CCN4: variants seen among roughly 807,000 people sequenced by gnomAD.
CCN4 encodes cellular communication network factor 4, also known as CCN family member 4.
Under a neutral mutation model 36.7 loss-of-function variants are expected in CCN4, and 30 were observed. The ratio of observed to expected loss-of-function variants is 0.82; its 90% CI spans 0.61 to 1.11. The LOEUF is 1.11. Ranked by LOEUF, CCN4 falls within the 50% of genes least tolerant of loss-of-function variation. CCN4 has a pLI of 0.00. For synonymous variants in CCN4, 191 were observed against 195.4 expected, an observed-to-expected ratio of 0.98 and a Z score of 0.19; for missense variants, 505 against 504.9, an observed-to-expected ratio of 1.00 and a Z score of 0.00.
At chr8:133,213,949 GTAGTTATATATAC>G (rs1478488360) in intron 2 of CCN4, among the ~76,000 whole-genome samples, 1 of 3,380 alleles carries the variant, frequency 3.0e-4, no homozygotes, top group Non-Finnish European at 1.1e-3. Flanking sequence ...ACTATATATA[GTAGTTATATATAC>G]TATATATACA....
chr8:133,194,710 T>G (rs1588177597), intron 1 of CCN4, among the ~76,000 whole-genome samples: 7 of 89,702 alleles, frequency 7.8e-5, no homozygotes, highest in Admixed American at 1.2e-4. Flanking sequence ...GTGTGTGTGG[T>G]GTGTGTGGGG....
intron 4 of CCN4, among the ~76,000 whole-genome samples, chr8:133,225,880 A>G (rs1178706070): frequency 1.3e-5 from 2 of 151,948 alleles, no homozygotes; most frequent in Non-Finnish European, 2.9e-5. Flanking sequence ...ATCCTTACCA[A>G]TTTCCATCCT....
In CCN4 at chr8:133,207,669, G is replaced by A. The variant is rs76059299; in HGVS notation, c.70-5195G>A. ...CAGACCTGCCTTGTGATTTGTTAGGGGATTATATGAGATAGTGCAAACAGA... is the reference window on the plus strand; with the variant it reads ...CAGACCTGCCTTGTGATTTGTTAGGAGATTATATGAGATAGTGCAAACAGA... On this transcript the variant is annotated intron_variant, in intron 1 of 4. Coordinates refer to ENST00000250160, the MANE Select transcript of CCN4 (RefSeq NM_003882.4). Among the ~76,000 whole-genome samples, 25 of 152,176 alleles carry A rather than the reference G, an allele frequency of 1.6e-4. No individual in the cohort carries two copies. The East Asian group carries it at 4.3e-3, about 26-fold the overall frequency.
chr8:133,219,526 CCAAAATAATTTTGCCA>C (rs1294659793), intron 2 of CCN4, among the ~76,000 whole-genome samples: 3 of 152,194 alleles, frequency 2.0e-5, no homozygotes, highest in Admixed American at 2.0e-4. Flanking sequence ...AGCATTTACC[CCAAAATAATTTTGCCA>C]CAAAATATCT....
chr8:133,211,826 GTCC>G (rs1204569303), intron 1 of CCN4, among the ~76,000 whole-genome samples: 5 of 152,220 alleles, frequency 3.3e-5, no homozygotes, highest in African/African-American at 4.8e-5. Context: ...CCGCTCCTGT[GTCC>G]TCAGGCGATT....
At chr8:133,194,728 TAG>T in intron 1 of CCN4, among the ~76,000 whole-genome samples, 1 of 92,456 alleles carries the variant, frequency 1.1e-5, no homozygotes, top group African/African-American at 5.9e-5. Context: ...GGGATGTGTG[TAG>T]TGTGTGTGTG....
chr8:133,199,310 C>T (rs1370878299), intron 1 of CCN4, among the ~76,000 whole-genome samples: 2 of 152,174 alleles, frequency 1.3e-5, no homozygotes, highest in Non-Finnish European at 2.9e-5. Context: ...GTGCTCTAGG[C>T]AGGGTAGTGC....
intron 2 of CCN4, among the ~76,000 whole-genome samples, chr8:133,218,311 C>G (rs1854399375): frequency 6.6e-6 from 1 of 152,134 alleles, no homozygotes; most frequent in Non-Finnish European, 1.5e-5. Flanking sequence ...ATGTTAGCAT[C>G]TTTCCTTTCT....
intron 1 of CCN4, among the ~76,000 whole-genome samples, chr8:133,192,315 G>A (rs1375694219): frequency 6.6e-6 from 1 of 152,200 alleles, no homozygotes; most frequent in Non-Finnish European, 1.5e-5. Context: ...CTGAGACCTG[G>A]GAAATAGGAA....
chr8:133,194,722 T>C (rs796217127), intron 1 of CCN4, among the ~76,000 whole-genome samples: 1 of 39,238 alleles, frequency 2.5e-5, no homozygotes, highest in Non-Finnish European at 4.4e-5. Context: ...TGTGTGGGGA[T>C]GTGTGTAGTG....
chr8:133,204,345 A>C (rs1588186426), intron 1 of CCN4, among the ~76,000 whole-genome samples: 1 of 152,372 alleles, frequency 6.6e-6, no homozygotes, highest in East Asian at 1.9e-4. Context: ...AAAGCAGCTT[A>C]GCAGTGTCGG....
intron 2 of CCN4, 90 bp from the exon 3 acceptor site, chr8:133,220,491 G>A: frequency 1.3e-6 from 2 of 1,543,282 alleles, no homozygotes; most frequent in Non-Finnish European, 1.8e-6. Flanking sequence ...CCGGGATTGG[G>A]GCATGGTCCA....
At chr8:133,192,975 G>A (rs1358295004) in intron 1 of CCN4, among the ~76,000 whole-genome samples, 1 of 152,216 alleles carries the variant, frequency 6.6e-6, no homozygotes, top group African/African-American at 2.4e-5. Flanking sequence ...GGCAGCCCCT[G>A]CCTGGGGAAC....
rs770830989 is a variant in CCN4 at position 133,227,633 on chromosome 8, A to C, written c.1027A>C (p.Asn343His). The change falls in exon 5 of 5, where the codon AAC (asparagine) becomes CAC (histidine). Residue 343 changes from asparagine (N) to histidine (H), a missense_variant. Asn to His is a moderately conservative substitution (Grantham distance 68). Coordinates refer to ENST00000250160, the MANE Select transcript of CCN4 (RefSeq NM_003882.4). The part of the protein sequence containing the change: ...QVLWINACFC[N>H]LSCRNPNDIF... ...CCTATGGATTAATGCCTGCTTCTGT[A>C]ACCTGAGCTGTAGGAATCCCAATGA... is the stretch of plus-strand genomic sequence containing the variant. The C allele has an allele frequency of 5.5e-5, 89 of 1,614,124 alleles. No homozygotes were observed. Among genetic ancestry groups the C allele is most frequent in the Non-Finnish European group, 7.5e-5 (89 of 1,180,048 alleles).
chr8:133,192,533 C>G (rs1157042412), intron 1 of CCN4, among the ~76,000 whole-genome samples: 1 of 152,198 alleles, frequency 6.6e-6, no homozygotes, highest in Non-Finnish European at 1.5e-5. Context: ...AATAAGTGGC[C>G]AGGGCCCAAA....
intron 1 of CCN4, among the ~76,000 whole-genome samples, chr8:133,191,470 A>G (rs958124237): frequency 3.9e-5 from 6 of 152,142 alleles, no homozygotes; most frequent in African/African-American, 1.4e-4. Context: ...TCCCCACCTG[A>G]AACAGTGCAG....
chr8:133,203,794 G>C (rs1194753752), intron 1 of CCN4, among the ~76,000 whole-genome samples: 2 of 152,274 alleles, frequency 1.3e-5, no homozygotes, highest in Non-Finnish European at 2.9e-5. Flanking sequence ...CAAACGGGAC[G>C]CTTCAGATAT....
At chr8:133,211,734 G>T (rs141935039) in intron 1 of CCN4, among the ~76,000 whole-genome samples, 7 of 152,332 alleles carry the variant, frequency 4.6e-5, no homozygotes, top group African/African-American at 1.4e-4. Context: ...GAACTCAGCC[G>T]TCAAGGACGA....
chr8:133,200,529 A>G (rs1018243848), intron 1 of CCN4, among the ~76,000 whole-genome samples: 1 of 152,226 alleles, frequency 6.6e-6, no homozygotes, highest in African/African-American at 2.4e-5. Flanking sequence ...CTGGGACATG[A>G]AAGGCCCTCG....
Sources: allele counts gnomAD v4.1 joint callset (sites outside exome capture counted in the v4.1 genomes callset), GRCh38; gene constraint gnomAD v4.1.1; transcripts MANE v1.5; gene names NCBI Gene and HGNC (gene_info 2026-07-23, HGNC 2026-07-21).